FGF12: variants seen among roughly 807,000 people sequenced by gnomAD.
The protein encoded by FGF12 is fibroblast growth factor 12B.
Under a neutral mutation model 23.6 loss-of-function variants are expected in FGF12, and 14 were observed. That is an observed-to-expected ratio of 0.59 (90% CI 0.39 to 0.93). The LOEUF is 0.93. Ranked by LOEUF, FGF12 falls within the 40% of genes least tolerant of loss-of-function variation. The pLI, the probability that FGF12 is intolerant of heterozygous loss-of-function variation, is 0.00. For synonymous variants in FGF12, 62 were observed against 77.3 expected, an observed-to-expected ratio of 0.80 and a Z score of 1.04; for missense variants, 175 against 217.8, an observed-to-expected ratio of 0.80 and a Z score of 1.24.
At chr3:192,580,454 C>T (rs1713086937) in intron 2 of FGF12, among the ~76,000 whole-genome samples, 1 of 152,058 alleles carries the variant, frequency 6.6e-6, no homozygotes, top group South Asian at 2.1e-4. Flanking sequence ...TGTGGAGCAG[C>T]TTGCTAAGGA....
intron 4 of FGF12, among the ~76,000 whole-genome samples, chr3:192,219,193 TC>T (rs1718347719): frequency 6.6e-6 from 1 of 152,148 alleles, no homozygotes; most frequent in Admixed American, 6.5e-5. Context: ...CAAGCAATTC[TC>T]CCCCATCAGC....
At chr3:192,352,035 T>C (rs1448461273) in intron 3 of FGF12, among the ~76,000 whole-genome samples, 1 of 143,808 alleles carries the variant, frequency 7.0e-6, no homozygotes, top group Non-Finnish European at 1.6e-5. Flanking sequence ...ATATTTTTCA[T>C]ATTTTTTTCT....
At chr3:192,393,137 C>T (rs1464153189) in intron 2 of FGF12, among the ~76,000 whole-genome samples, 1 of 152,200 alleles carries the variant, frequency 6.6e-6, no homozygotes, top group Non-Finnish European at 1.5e-5. Flanking sequence ...TTTGTTAGGC[C>T]TATGTCATTG....
At chr3:192,431,206 A>G (rs1384565615) in intron 2 of FGF12, among the ~76,000 whole-genome samples, 1 of 152,194 alleles carries the variant, frequency 6.6e-6, no homozygotes. Context: ...AATCCCAGAG[A>G]TAAGCTCGCC....
At chr3:192,535,838 C>T (rs1376020680) in intron 2 of FGF12, among the ~76,000 whole-genome samples, 3 of 152,082 alleles carry the variant, frequency 2.0e-5, no homozygotes, top group East Asian at 3.9e-4. Flanking sequence ...TACATATGCA[C>T]GTTTTCATAT....
chr3:192,675,201 C>T (rs1381990733), intron 2 of FGF12, among the ~76,000 whole-genome samples: 1 of 152,096 alleles, frequency 6.6e-6, no homozygotes, highest in Non-Finnish European at 1.5e-5. Context: ...TCCCAGTACA[C>T]TGCGGCAACA....
chr3:192,167,751 A>T (rs1577195712), intron 5 of FGF12, among the ~76,000 whole-genome samples: 7 of 26,728 alleles, frequency 2.6e-4, no homozygotes, highest in African/African-American at 7.3e-4. Flanking sequence ...ATATATATAT[A>T]TATATATATA....
intron 4 of FGF12, among the ~76,000 whole-genome samples, chr3:192,234,851 AT>A (rs1301859501): frequency 6.6e-6 from 1 of 152,154 alleles, no homozygotes; most frequent in Non-Finnish European, 1.5e-5. Context: ...ATTTATTGAT[AT>A]TCATATGATG....
At chr3:192,276,793 T>C (rs1577311098) in intron 4 of FGF12, among the ~76,000 whole-genome samples, 1 of 152,258 alleles carries the variant, frequency 6.6e-6, no homozygotes, top group Middle Eastern at 3.4e-3. Context: ...CTGACCTACC[T>C]TGTTTAACTG....
rs770781442 is a variant in FGF12 at position 192,714,513 on chromosome 3, A to ATTTTTTTTTTTTTT, written c.13+12654_13+12667dup. 3.7e-4 allele frequency among the ~76,000 whole-genome samples: 37 copies of ATTTTTTTTTTTTTT among 99,752 alleles called. 5 individuals carry two copies. Among genetic ancestry groups the ATTTTTTTTTTTTTT allele is most frequent in the African/African-American group, 1.3e-3 (31 of 23,680 alleles). The allele number at this position is 99,752 out of a possible 152,430, so 65.4% of individuals were successfully genotyped here. The stretch of plus-strand genomic sequence containing the variant: ...CTTATTTATAGATCTTAAGGAAATA[A>ATTTTTTTTTTTTTT]TTTTTTTTTTTTTTTTTTTTTTTGA... On this transcript the variant is annotated intron_variant, in intron 2 of 5. Coordinates refer to ENST00000445105, the MANE Select transcript of FGF12 (RefSeq NM_004113.6).
rs181665822 is a variant in FGF12 at position 192,716,345 on chromosome 3, G to A, written c.13+10836C>T. Among the ~76,000 whole-genome samples, 13 of 152,256 alleles carry A rather than the reference G, an allele frequency of 8.5e-5. No homozygotes were observed. The East Asian group carries it at 2.1e-3, about 25-fold the overall frequency. On this transcript the variant is annotated intron_variant, in intron 2 of 5. Coordinates refer to ENST00000445105, the MANE Select transcript of FGF12 (RefSeq NM_004113.6). ...TCAACATCCCTGTTAAAATAGTCAGGTTCTTTCTTCTGAAGAAATTAGACT... is the reference window on the plus strand; with the variant it reads ...TCAACATCCCTGTTAAAATAGTCAGATTCTTTCTTCTGAAGAAATTAGACT...
intron 3 of FGF12, among the ~76,000 whole-genome samples, chr3:192,359,824 G>T (rs1018053716): frequency 2.0e-5 from 3 of 150,680 alleles, no homozygotes; most frequent in Non-Finnish European, 4.4e-5. Context: ...TCCATTTCAG[G>T]TCTATCAGTC....
intron 2 of FGF12, among the ~76,000 whole-genome samples, chr3:192,490,595 C>T (rs1723773563): frequency 6.6e-6 from 1 of 151,806 alleles, no homozygotes; most frequent in African/African-American, 2.4e-5. Flanking sequence ...ACCAAAAAGA[C>T]AGAGATTGAT....
chr3:192,452,500 G>T (rs1722553411), intron 2 of FGF12, among the ~76,000 whole-genome samples: 1 of 152,116 alleles, frequency 6.6e-6, no homozygotes, highest in Admixed American at 6.6e-5. Flanking sequence ...TAGTAACAGG[G>T]TTCTATTGGT....
At chr3:192,295,573 T>C (rs1714985497) in intron 4 of FGF12, among the ~76,000 whole-genome samples, 1 of 152,200 alleles carries the variant, frequency 6.6e-6, no homozygotes, top group Non-Finnish European at 1.5e-5. Context: ...TAATTTTCTA[T>C]CCAAGGAATA....
chr3:192,396,991 C>T (rs1720550753), intron 2 of FGF12, among the ~76,000 whole-genome samples: 1 of 152,158 alleles, frequency 6.6e-6, no homozygotes, highest in Admixed American at 6.5e-5. Context: ...GATGGTAGTT[C>T]CATTAGCAAA....
At chr3:192,400,369 CT>C (rs5855423) in intron 2 of FGF12, among the ~76,000 whole-genome samples, 171 of 130,756 alleles carry the variant, frequency 1.3e-3, no homozygotes, top group Middle Eastern at 4.2e-3. Context: ...ACATTCTTTT[CT>C]TTTTTTTTTT....
At chr3:192,273,337 A>G (rs1713567276) in intron 4 of FGF12, among the ~76,000 whole-genome samples, 1 of 152,168 alleles carries the variant, frequency 6.6e-6, no homozygotes, top group South Asian at 2.1e-4. Context: ...ATATACTCTG[A>G]TCCAAGGAGA....
intron 4 of FGF12, 36 bp downstream of exon 4, chr3:192,335,325 A>T (rs1324811996): frequency 7.2e-7 from 1 of 1,380,638 alleles, no homozygotes; most frequent in Admixed American, 1.7e-5. Context: ...GGTAGTTCAC[A>T]CACATACACA....
Sources: allele counts gnomAD v4.1 joint callset (sites outside exome capture counted in the v4.1 genomes callset), GRCh38; gene constraint gnomAD v4.1.1; transcripts MANE v1.5; gene names NCBI Gene and HGNC (gene_info 2026-07-23, HGNC 2026-07-21).